Variants in SWT1 observed in about 807,000 individuals in gnomAD.
The protein encoded by SWT1 is SWT1 RNA endoribonuclease homolog.
In SWT1, 33 loss-of-function variants were observed where a neutral mutation model predicts 107.3. That is an observed-to-expected ratio of 0.31 (90% CI 0.23 to 0.41). The LOEUF is 0.41. SWT1 is among the 10% of genes least tolerant of loss of function. SWT1 has a pLI of 1.00. For synonymous variants in SWT1, 345 were observed against 348.3 expected, an observed-to-expected ratio of 0.99 and a Z score of 0.11; for missense variants, 898 against 1,028.9, an observed-to-expected ratio of 0.87 and a Z score of 1.74.
intron 2 of SWT1, among the ~76,000 whole-genome samples, chr1:185,166,072 A>G (rs1225116391): frequency 6.6e-6 from 1 of 152,118 alleles, no homozygotes; most frequent in East Asian, 1.9e-4. Context: ...CTGACACACT[A>G]AATATATTAC....
chr1:185,285,140 C>T (rs751903600), intron 18 of SWT1, among the ~76,000 whole-genome samples: 9 of 152,128 alleles, frequency 5.9e-5, no homozygotes, highest in Non-Finnish European at 1.2e-4. Flanking sequence ...CTGCTTCTAG[C>T]CCTTCCTCCT....
Position 185,169,227 on chromosome 1 carries a change from C to G in SWT1, c.224+829C>G, listed in dbSNP as rs141077834. 3.8e-3 allele frequency among the ~76,000 whole-genome samples: 574 copies of G among 150,730 alleles called. 4 individuals are homozygous for G. Among genetic ancestry groups the G allele is most frequent in the African/African-American group, 0.013 (533 of 41,156 alleles). ...TTGCACTAATTTCATATTATGTTGA[C>G]TATCCCTTGCTACATTTTTTGAACC... On this transcript the variant is annotated intron_variant, in intron 4 of 18. Transcript: ENST00000367500.
intron 16 of SWT1, among the ~76,000 whole-genome samples, chr1:185,250,899 G>T (rs1341618764): frequency 1.3e-5 from 2 of 152,166 alleles, no homozygotes; most frequent in African/African-American, 4.8e-5. Context: ...CTGACCTCAG[G>T]TTATCTGGCC....
intron 16 of SWT1, among the ~76,000 whole-genome samples, chr1:185,261,265 T>C (rs1461407484): frequency 5.3e-5 from 8 of 152,212 alleles, no homozygotes; most frequent in Admixed American, 5.2e-4. Flanking sequence ...CTATTTGTCC[T>C]TTTGTGACTG....
At chr1:185,158,845 C>T (rs1432237582) in intron 1 of SWT1, among the ~76,000 whole-genome samples, 1 of 152,204 alleles carries the variant, frequency 6.6e-6, no homozygotes, top group Non-Finnish European at 1.5e-5. Context: ...GTCAGGAACT[C>T]AGAAATGACT....
intron 13 of SWT1, among the ~76,000 whole-genome samples, chr1:185,213,504 AC>A (rs1409822015): frequency 1.3e-5 from 2 of 152,190 alleles, no homozygotes; most frequent in Non-Finnish European, 2.9e-5. Flanking sequence ...TTTTTATTTC[AC>A]TTGACCCTTC....
rs1460918463 is a variant in SWT1 at position 185,254,331 on chromosome 1, T to C, written c.2442-16992T>C. Among the ~76,000 whole-genome samples the C allele has an allele frequency of 1.1e-3, 148 of 133,764 alleles. 1 individual carries two copies. Among genetic ancestry groups the C allele is most frequent in the Non-Finnish European group, 1.9e-3 (124 of 63,648 alleles). 87.8% of individuals were successfully genotyped at this position (133,764 alleles called of 152,430 possible). On this transcript the variant is annotated intron_variant, in intron 16 of 18. Coordinates refer to ENST00000367500, the MANE Select transcript of SWT1 (RefSeq NM_017673.7). ...GGAGGATTCCCTCTTTTTCTATTGA[T>C]TGGAATAGTTTCAGAAGGAATGGTA...
chr1:185,290,842 T>C lies in SWT1; in HGVS notation c.*39T>C, dbSNP rs780324674. On this transcript the variant is annotated 3_prime_UTR_variant, in exon 19 of 19. Transcript: ENST00000367500. ...ACTTTAAAGGAATTGCATTTGTCCT[T>C]AAGAATAACAGAGTAGTTTTCAATC... 1 of 1,569,290 alleles carries C rather than the reference T, an allele frequency of 6.4e-7. No homozygotes were observed. Among genetic ancestry groups the C allele is most frequent in the Non-Finnish European group, 8.7e-7 (1 of 1,152,184 alleles).
intron 17 of SWT1, among the ~76,000 whole-genome samples, chr1:185,274,092 A>G (rs1187109191): frequency 6.6e-6 from 1 of 152,086 alleles, no homozygotes; most frequent in Admixed American, 6.5e-5. Flanking sequence ...AGTACTTTCT[A>G]TTGCCAAGAG....
At chr1:185,209,151 T>C (rs1458166387) in intron 13 of SWT1, among the ~76,000 whole-genome samples, 1 of 152,286 alleles carries the variant, frequency 6.6e-6, no homozygotes, top group South Asian at 2.1e-4. Context: ...AGAAAATCCT[T>C]GAGACTGTTG....
At chr1:185,163,991 A>T (rs1654372551) in intron 2 of SWT1, among the ~76,000 whole-genome samples, 1 of 152,132 alleles carries the variant, frequency 6.6e-6, no homozygotes, top group Non-Finnish European at 1.5e-5. Context: ...ATATAGCCTT[A>T]CAATATGTAT....
At chr1:185,203,434 C>G (rs1658048031) in intron 11 of SWT1, among the ~76,000 whole-genome samples, 2 of 152,000 alleles carry the variant, frequency 1.3e-5, no homozygotes, top group Non-Finnish European at 2.9e-5. Flanking sequence ...GCCTGGCCAA[C>G]ATGGGGAACC....
chr1:185,176,259 C>A (rs1179988279), intron 5 of SWT1, among the ~76,000 whole-genome samples: 2 of 134,282 alleles, frequency 1.5e-5, no homozygotes, highest in Non-Finnish European at 3.1e-5. Flanking sequence ...GCACTCCAAC[C>A]TAGGTGACAG....
rs79176778 is a variant in SWT1, at chr1:185,283,321, C to G, written c.2573+6653C>G. On this transcript the variant is annotated intron_variant, in intron 18 of 18. Coordinates refer to ENST00000367500, the MANE Select transcript of SWT1 (RefSeq NM_017673.7). ...TTTAGACTCTTTGAAGTAGCTTTTG[C>G]TCTTGCCAGTAGAGTGTCTGAGCAC... 3.0e-4 allele frequency among the ~76,000 whole-genome samples: 46 copies of G among 152,316 alleles called. No individual in the cohort carries two copies. In the East Asian group the frequency reaches 8.3e-3, roughly 27 times the overall value.
intron 13 of SWT1, 114 bp downstream of exon 13, chr1:185,206,877 A>G (rs1464987169): frequency 5.5e-6 from 4 of 732,616 alleles, no homozygotes; most frequent in African/African-American, 1.8e-5. Context: ...GTTCTTAATC[A>G]TTTATACTTC....
chr1:185,170,385 A>G (rs1157309216), intron 4 of SWT1, among the ~76,000 whole-genome samples: 2 of 152,212 alleles, frequency 1.3e-5, no homozygotes, highest in African/African-American at 4.8e-5. Flanking sequence ...GCACTGAGGC[A>G]CACCACTGTT....
chr1:185,174,307 A>G, intron 4 of SWT1, 65 bp from the exon 5 acceptor site: 1 of 1,292,116 alleles, frequency 7.7e-7, no homozygotes, highest in Admixed American at 3.0e-5. Context: ...TATTCTAACT[A>G]AAATGATAGA....
intron 16 of SWT1, among the ~76,000 whole-genome samples, chr1:185,234,104 G>A (rs753452986): frequency 9.2e-5 from 14 of 152,148 alleles, no homozygotes; most frequent in South Asian, 2.1e-4. Flanking sequence ...GATTTGGGGC[G>A]GAGAGTTCTG....
Position 185,184,946 on chromosome 1 carries a change from C to T in SWT1, c.1429+15C>T, listed in dbSNP as rs374746925. Reference sequence around the variant, plus strand: ...CCAAAAACATTGTAAGTATTGTTCTCTCAGAGTGCCTCCTGATTAATACTT... The same window carrying T: ...CCAAAAACATTGTAAGTATTGTTCTTTCAGAGTGCCTCCTGATTAATACTT... On this transcript the variant is annotated intron_variant, in intron 9 of 18. Coordinates refer to ENST00000367500, the MANE Select transcript of SWT1 (RefSeq NM_017673.7). 1.4e-6 allele frequency: 2 copies of T among 1,427,278 alleles called. No individual in the cohort carries two copies. The highest frequency in any genetic ancestry group is 1.8e-6 in the Non-Finnish European group (2 of 1,084,194). 88.4% of individuals were successfully genotyped at this position (1,427,278 alleles called of 1,614,324 possible).
Sources: allele counts gnomAD v4.1 joint callset (sites outside exome capture counted in the v4.1 genomes callset), GRCh38; gene constraint gnomAD v4.1.1; transcripts MANE v1.5; gene names NCBI Gene and HGNC (gene_info 2026-07-23, HGNC 2026-07-21).